Variants in USP24 observed in about 807,000 individuals in gnomAD.
USP24 encodes ubiquitin specific peptidase 24.
In USP24, 97 loss-of-function variants were observed where a neutral mutation model predicts 361.6. The observed-to-expected ratio is 0.27, with a 90% CI of 0.23 to 0.32. The LOEUF is 0.32. Ranked by LOEUF, USP24 falls within the 10% of genes least tolerant of loss-of-function variation. The pLI is 1.00. For synonymous variants in USP24, 1,098 were observed against 1,124.6 expected, an observed-to-expected ratio of 0.98 and a Z score of 0.47; for missense variants, 2,353 against 3,165.6, an observed-to-expected ratio of 0.74 and a Z score of 6.16.
intron 32 of USP24, among the ~76,000 whole-genome samples, chr1:55,126,836 C>T (rs528015235): frequency 6.6e-6 from 1 of 152,262 alleles, no homozygotes; most frequent in South Asian, 2.1e-4. Flanking sequence ...TTCAACCATC[C>T]TCTGCTCATG....
At chr1:55,092,964 A>G in intron 52 of USP24, 48 bp from the exon 53 acceptor site, 1 of 1,253,190 alleles carries the variant, frequency 8.0e-7, no homozygotes, top group South Asian at 1.5e-5. Flanking sequence ...AAAAATATTC[A>G]ATATGTGAAG....
At chr1:55,202,724 C>T (rs1306741170) in intron 1 of USP24, among the ~76,000 whole-genome samples, 1 of 152,100 alleles carries the variant, frequency 6.6e-6, no homozygotes, top group Non-Finnish European at 1.5e-5. Flanking sequence ...ACTCTTAAAG[C>T]TTATTTTTAA....
chr1:55,107,853 A>AC lies in USP24; in HGVS notation c.4571-424_4571-423insG, dbSNP rs1553150227. ...CAAGACTCTGTCTCAAAAAAAAAAAAAAAAAAAAAAAAACACACAAAAACC... is the reference window on the plus strand; with the variant it reads ...CAAGACTCTGTCTCAAAAAAAAAAAACAAAAAAAAAAAAACACACAAAAACC... On this transcript the variant is annotated intron_variant, in intron 39 of 67. Transcript: ENST00000294383. Among the ~76,000 whole-genome samples, 388 of 141,932 alleles carry AC rather than the reference A, an allele frequency of 2.7e-3. 4 individuals carry two copies. The highest frequency in any genetic ancestry group is 0.01 in the African/African-American group (373 of 37,058). The allele number at this position is 141,932 out of a possible 152,430, so 93.1% of individuals were successfully genotyped here. A position where few individuals can be genotyped will look rare whatever the true frequency, so the allele number is the denominator to read the frequency against.
rs530927487 is a variant in USP24, at chr1:55,166,498, C to T, written c.861+70G>A. ...CTGCAGCTGCCATTTGCTTAATATA[C>T]CAAACTCTAGGACGTCTCATTAGAA... is the stretch of plus-strand genomic sequence containing the variant. On this transcript the variant is annotated intron_variant, in intron 6 of 67. Transcript: ENST00000294383. 9 of 1,413,632 alleles carry T rather than the reference C, an allele frequency of 6.4e-6. No homozygotes were observed. In the African/African-American group the frequency reaches 1.2e-4, roughly 18 times the overall value. The allele number at this position is 1,413,632 out of a possible 1,614,324, so 87.6% of individuals were successfully genotyped here.
At chr1:55,109,393 T>C (rs1307436569) in intron 39 of USP24, among the ~76,000 whole-genome samples, 1 of 152,252 alleles carries the variant, frequency 6.6e-6, no homozygotes, top group Non-Finnish European at 1.5e-5. Flanking sequence ...GGCCTTTGTA[T>C]GAAATTTCTT....
At chr1:55,111,384 T>C (rs1270926565) in intron 38 of USP24, among the ~76,000 whole-genome samples, 1 of 152,086 alleles carries the variant, frequency 6.6e-6, no homozygotes, top group East Asian at 1.9e-4. Flanking sequence ...TAGAGGAACT[T>C]AATATTAAAT....
chr1:55,165,884 C>A lies in USP24; in HGVS notation c.927+1G>T, dbSNP rs1254170322. On this transcript the variant is annotated splice_donor_variant, in intron 7 of 67. Coordinates refer to ENST00000294383, the MANE Select transcript of USP24 (RefSeq NM_015306.3). LOFTEE classifies it high-confidence loss of function. ...TGAGCATATACAGTAGTTTAACTTA[C>A]CCCAAGTTCTATATCTTCTGAATGG... is the stretch of plus-strand genomic sequence containing the variant. 6.3e-7 allele frequency: 1 copy of A among 1,597,122 alleles called. No homozygotes were observed. The highest frequency in any genetic ancestry group is 8.5e-7 in the Non-Finnish European group (1 of 1,170,156).
At chr1:55,206,670 A>AG (rs1229934746) in intron 1 of USP24, among the ~76,000 whole-genome samples, 1 of 151,048 alleles carries the variant, frequency 6.6e-6, no homozygotes, top group Non-Finnish European at 1.5e-5. Context: ...AAAAAAAAAA[A>AG]AAAGGGTCGG....
At chr1:55,163,683 T>C (rs1648526939) in intron 7 of USP24, among the ~76,000 whole-genome samples, 2 of 152,090 alleles carry the variant, frequency 1.3e-5, no homozygotes, top group South Asian at 4.1e-4. Flanking sequence ...TTTAGCACTG[T>C]CAATTATAAT....
intron 12 of USP24, among the ~76,000 whole-genome samples, chr1:55,156,305 T>C (rs1647653103): frequency 6.6e-6 from 1 of 152,064 alleles, no homozygotes; most frequent in African/African-American, 2.4e-5. Flanking sequence ...CATACAAATG[T>C]AGTCAAAGCC....
chr1:55,084,048 A>T (rs923716099), intron 56 of USP24, among the ~76,000 whole-genome samples, 160 bp from the exon 57 acceptor site: 3 of 152,198 alleles, frequency 2.0e-5, no homozygotes, highest in African/African-American at 7.2e-5. Context: ...GCAAAAACAG[A>T]ATTATCCATT....
At chr1:55,106,511 GA>G (rs775644299) in intron 40 of USP24, among the ~76,000 whole-genome samples, 1 of 152,180 alleles carries the variant, frequency 6.6e-6, no homozygotes, top group Non-Finnish European at 1.5e-5. Context: ...ACAATACAGT[GA>G]AAGGAGTCAA....
At chr1:55,157,529 T>C (rs963208941) in intron 10 of USP24, among the ~76,000 whole-genome samples, 159 bp from the exon 11 acceptor site, 2 of 152,114 alleles carry the variant, frequency 1.3e-5, no homozygotes, top group Non-Finnish European at 2.9e-5. Flanking sequence ...ATTTGTGATG[T>C]CCCTTTAAAA....
In USP24 at chr1:55,159,074, T is replaced by C. The variant is rs377032320; in HGVS notation, c.1069-38A>G. 92 of 1,400,704 alleles carry C rather than the reference T, an allele frequency of 6.6e-5. No individual in the cohort carries two copies. In the African/African-American group the frequency reaches 1.2e-3, roughly 19 times the overall value. 86.8% of individuals were successfully genotyped at this position (1,400,704 alleles called of 1,614,324 possible). A position where few individuals can be genotyped will look rare whatever the true frequency, so the allele number is the denominator to read the frequency against. On this transcript the variant is annotated intron_variant, in intron 9 of 67. Coordinates refer to ENST00000294383, the MANE Select transcript of USP24 (RefSeq NM_015306.3). ...AAAAACAAAAAAACAAAAAAGGAAC[T>C]GTAAAAACATTTTGATCCCAATTCT...
At chr1:55,133,293 T>G (rs963214560) in intron 30 of USP24, among the ~76,000 whole-genome samples, 2 of 152,318 alleles carry the variant, frequency 1.3e-5, no homozygotes, top group Middle Eastern at 3.4e-3. Context: ...AACAACATTC[T>G]AACAATTAAC....
At chr1:55,094,564 A>G (rs1401124197) in intron 51 of USP24, among the ~76,000 whole-genome samples, 1 of 152,140 alleles carries the variant, frequency 6.6e-6, no homozygotes, top group Non-Finnish European at 1.5e-5. Context: ...AAAAGTAAAC[A>G]CTTTCCTGAC....
chr1:55,103,775 G>T, intron 42 of USP24, 101 bp downstream of exon 42: 1 of 1,326,886 alleles, frequency 7.5e-7, no homozygotes, highest in Non-Finnish European at 1.0e-6. Flanking sequence ...TAGTAATACT[G>T]ACTTTCTTTG....
intron 5 of USP24, among the ~76,000 whole-genome samples, chr1:55,168,492 C>T (rs1012920183): frequency 6.6e-6 from 1 of 152,024 alleles, no homozygotes. Flanking sequence ...GGCAGGAAGG[C>T]TCTGAAGCCA....
chr1:55,120,278 G>C (rs1334371304), intron 38 of USP24, among the ~76,000 whole-genome samples: 1 of 152,164 alleles, frequency 6.6e-6, no homozygotes, highest in Admixed American at 6.5e-5. Context: ...TGCACAAGGG[G>C]AGAGGATCAG....
Sources: allele counts gnomAD v4.1 joint callset (sites outside exome capture counted in the v4.1 genomes callset), GRCh38; gene constraint gnomAD v4.1.1; transcripts MANE v1.5; gene names NCBI Gene and HGNC (gene_info 2026-07-23, HGNC 2026-07-21).